Variants in NXPH1 observed in about 807,000 individuals in gnomAD.
NXPH1 encodes the protein neurexophilin-1.
NXPH1 carries 5 observed loss-of-function variants against 23.7 expected under a neutral mutation model. That is an observed-to-expected ratio of 0.21 (90% confidence interval 0.11 to 0.44). NXPH1 has a LOEUF of 0.44. Ranked by LOEUF, NXPH1 falls within the 20% of genes least tolerant of loss-of-function variation. The pLI, the probability that NXPH1 is intolerant of heterozygous loss-of-function variation, is 0.99. For missense variants in NXPH1, 324 were observed against 321.6 expected, an observed-to-expected ratio of 1.01 and a Z score of -0.06; for synonymous variants, 144 against 122.2, an observed-to-expected ratio of 1.18 and a Z score of -1.18.
At chr7:8,534,049 T>G (rs1817990176) in intron 2 of NXPH1, among the ~76,000 whole-genome samples, 1 of 152,160 alleles carries the variant, frequency 6.6e-6, no homozygotes, top group African/African-American at 2.4e-5. Flanking sequence ...TGCCAAAACT[T>G]ATTAGTTTAA....
At chr7:8,457,616 T>C (rs1480719074) in intron 2 of NXPH1, among the ~76,000 whole-genome samples, 1 of 151,822 alleles carries the variant, frequency 6.6e-6, no homozygotes, top group African/African-American at 2.4e-5. Flanking sequence ...ACTTCATTGG[T>C]CCATTTGGTC....
chr7:8,633,284 C>T (rs767362209), intron 2 of NXPH1, among the ~76,000 whole-genome samples: 8 of 152,068 alleles, frequency 5.3e-5, no homozygotes, highest in Non-Finnish European at 1.0e-4. Flanking sequence ...TACAAAAAGC[C>T]GGATGTGGTG....
At chr7:8,484,746 T>C (rs1455039832) in intron 2 of NXPH1, among the ~76,000 whole-genome samples, 1 of 152,204 alleles carries the variant, frequency 6.6e-6, no homozygotes, top group Non-Finnish European at 1.5e-5. Flanking sequence ...TCCTCCTTTC[T>C]TTCTATAAAA....
At chr7:8,564,028 T>A (rs6955986) in intron 2 of NXPH1, among the ~76,000 whole-genome samples, 56 of 151,848 alleles carry the variant, frequency 3.7e-4, no homozygotes, top group African/African-American at 1.1e-3. Flanking sequence ...AATGCCTCTC[T>A]CAGTTCCATT....
At chr7:8,675,665 G>A (rs1820940352) in intron 2 of NXPH1, among the ~76,000 whole-genome samples, 1 of 152,152 alleles carries the variant, frequency 6.6e-6, no homozygotes, top group Non-Finnish European at 1.5e-5. Context: ...ACCTCGGACA[G>A]ATAGAGTGAT....
At position 8,594,846 on chromosome 7, in the gene NXPH1, G is replaced by A. The variant is rs976838794; in HGVS notation, c.55-156162G>A. On this transcript the variant is annotated intron_variant, in intron 2 of 2. Coordinates refer to ENST00000405863, the MANE Select transcript of NXPH1 (RefSeq NM_152745.3). ...TTTAAACAAATTATTGTCTTGTGTAGGCTCAGCCTTTTCATTAGATTTTCA... is the reference window on the plus strand; with the variant it reads ...TTTAAACAAATTATTGTCTTGTGTAAGCTCAGCCTTTTCATTAGATTTTCA... 3.3e-5 allele frequency among the ~76,000 whole-genome samples: 5 copies of A among 151,964 alleles called. No individual in the cohort carries two copies. In the East Asian group the frequency reaches 9.7e-4, roughly 29 times the overall value.
chr7:8,714,239 T>C (rs1388892359), intron 2 of NXPH1, among the ~76,000 whole-genome samples: 1 of 152,024 alleles, frequency 6.6e-6, no homozygotes, highest in Non-Finnish European at 1.5e-5. Flanking sequence ...ATGGAGAGTA[T>C]TGCCAGGCTA....
chr7:8,544,841 C>T (rs1239502289), intron 2 of NXPH1, among the ~76,000 whole-genome samples: 1 of 151,474 alleles, frequency 6.6e-6, no homozygotes. Context: ...TGTAGCTATA[C>T]CCTTTAGAAA....
At chr7:8,458,229 T>C (rs892022879) in intron 2 of NXPH1, among the ~76,000 whole-genome samples, 2 of 152,212 alleles carry the variant, frequency 1.3e-5, no homozygotes, top group African/African-American at 2.4e-5. Flanking sequence ...TCATTGACTT[T>C]AGGGTCTCTG....
chr7:8,455,540 C>G (rs964829196), intron 2 of NXPH1, among the ~76,000 whole-genome samples: 3 of 152,204 alleles, frequency 2.0e-5, no homozygotes, highest in Admixed American at 6.5e-5. Flanking sequence ...ACAAGGAGAA[C>G]AGACTTCCCT....
rs185764938 is a variant in NXPH1 at position 8,630,499 on chromosome 7, T to C, written c.55-120509T>C. On this transcript the variant is annotated intron_variant, in intron 2 of 2. Coordinates refer to ENST00000405863, the MANE Select transcript of NXPH1 (RefSeq NM_152745.3). ...AACAGCAAAGATTTTGAGGAAGTAA[T>C]GCAAACAGAACTAAAGACAGTTGGC... Among the ~76,000 whole-genome samples the C allele has an allele frequency of 1.4e-4, 22 of 152,226 alleles. No individual in the cohort carries two copies. In the East Asian group the frequency reaches 3.5e-3, roughly 24 times the overall value.
chr7:8,536,814 C>T (rs531525405), intron 2 of NXPH1, among the ~76,000 whole-genome samples: 2 of 151,880 alleles, frequency 1.3e-5, no homozygotes, highest in African/African-American at 4.8e-5. Context: ...TCTTGGAAAT[C>T]GGATCAAGAG....
chr7:8,506,763 G>C (rs1057455840), intron 2 of NXPH1, among the ~76,000 whole-genome samples: 1 of 152,058 alleles, frequency 6.6e-6, no homozygotes, highest in Non-Finnish European at 1.5e-5. Context: ...ATATCAGGGG[G>C]AAGGAGTGAG....
intron 2 of NXPH1, among the ~76,000 whole-genome samples, chr7:8,709,642 A>T (rs1311938961): frequency 6.6e-6 from 1 of 152,124 alleles, no homozygotes; most frequent in East Asian, 1.9e-4. Context: ...AGGGTGGAAA[A>T]CCCAAAAGAT....
At chr7:8,744,431 A>G (rs2115230276) in intron 2 of NXPH1, among the ~76,000 whole-genome samples, 1 of 152,202 alleles carries the variant, frequency 6.6e-6, no homozygotes. Context: ...TTTTTTGGTA[A>G]TCATCTTTAT....
rs555660086 is a variant in NXPH1, at chr7:8,689,669, C to T, written c.55-61339C>T. ...AATAACTTGACTTGATTCCCACTCT[C>T]CCATTTTCTGCTAGGGCTTCTGATT... On this transcript the variant is annotated intron_variant, in intron 2 of 2. Coordinates refer to ENST00000405863, the MANE Select transcript of NXPH1 (RefSeq NM_152745.3). 2.2e-3 allele frequency among the ~76,000 whole-genome samples: 336 copies of T among 152,218 alleles called. 2 individuals are homozygous for T. Among genetic ancestry groups the T allele is most frequent in the African/African-American group, 7.5e-3 (312 of 41,528 alleles).
intron 2 of NXPH1, among the ~76,000 whole-genome samples, chr7:8,544,466 A>G (rs1818170660): frequency 6.6e-6 from 1 of 151,604 alleles, no homozygotes; most frequent in South Asian, 2.1e-4. Context: ...CAGATTCTTG[A>G]AAGACTCATA....
intron 2 of NXPH1, among the ~76,000 whole-genome samples, chr7:8,742,635 A>G (rs1375538101): frequency 6.7e-6 from 1 of 149,246 alleles, no homozygotes; most frequent in Non-Finnish European, 1.5e-5. Flanking sequence ...TATATATGAA[A>G]AAGAAAATAC....
chr7:8,476,828 C>A (rs1354025391), intron 2 of NXPH1, among the ~76,000 whole-genome samples: 1 of 151,954 alleles, frequency 6.6e-6, no homozygotes, highest in Admixed American at 6.6e-5. Context: ...CAGGAAAGAA[C>A]CAGAAATTTT....
Sources: gnomAD v4.1 joint callset for allele counts (sites outside exome capture counted in the v4.1 genomes callset) on GRCh38, gnomAD v4.1.1 for gene constraint, MANE v1.5 for transcripts, NCBI Gene and HGNC (gene_info 2026-07-23, HGNC 2026-07-21) for gene names.